The following GREB1L variants were observed in gnomAD, a reference collection of about 807,000 sequenced individuals.
The protein encoded by GREB1L is GREB1-like protein.
Under a neutral mutation model 200.8 loss-of-function variants are expected in GREB1L, and 17 were observed. That is an observed-to-expected ratio of 0.08 (90% confidence interval 0.06 to 0.13). The LOEUF is 0.13. Ranked by LOEUF, GREB1L falls within the 10% of genes least tolerant of loss-of-function variation. The pLI is 1.00. For missense variants in GREB1L, 1,657 were observed against 2,367.7 expected, an observed-to-expected ratio of 0.70 and a Z score of 6.23; for synonymous variants, 789 against 893.0, an observed-to-expected ratio of 0.88 and a Z score of 2.08.
intron 7 of GREB1L, among the ~76,000 whole-genome samples, chr18:21,426,958 C>CAAAAAAAAAAA (rs568993346): frequency 2.9e-5 from 2 of 68,432 alleles, no homozygotes; most frequent in African/African-American, 7.5e-5. Context: ...GACTACGTCT[C>CAAAAAAAAAAA]AAAAAAAAAA....
chr18:21,357,402 T>C (rs2039520953), intron 1 of GREB1L, among the ~76,000 whole-genome samples: 1 of 152,236 alleles, frequency 6.6e-6, no homozygotes, highest in Non-Finnish European at 1.5e-5. Flanking sequence ...GATGTATGGT[T>C]TGCAAGCATT....
At chr18:21,367,779 G>A (rs1362484069) in intron 2 of GREB1L, among the ~76,000 whole-genome samples, 1 of 152,150 alleles carries the variant, frequency 6.6e-6, no homozygotes, top group Non-Finnish European at 1.5e-5. Flanking sequence ...ATCAGTGTCA[G>A]AGTCAAGAAT....
chr18:21,305,338 G>T (rs1172844202), intron 1 of GREB1L, among the ~76,000 whole-genome samples: 1 of 152,052 alleles, frequency 6.6e-6, no homozygotes, highest in Non-Finnish European at 1.5e-5. Flanking sequence ...ACTATGTAAA[G>T]TTCTTATTGA....
chr18:21,464,135 T>G (rs905731284), intron 15 of GREB1L, among the ~76,000 whole-genome samples: 3 of 152,122 alleles, frequency 2.0e-5, no homozygotes, highest in African/African-American at 7.2e-5. Flanking sequence ...TACCAGTTAA[T>G]AAATGCAGGA....
chr18:21,403,884 G>T lies in GREB1L; in HGVS notation c.722G>T (p.Arg241Leu). 1 of 1,551,172 alleles carries T rather than the reference G, an allele frequency of 6.4e-7. No homozygotes were observed. The highest frequency in any genetic ancestry group is 1.2e-5 in the South Asian group (1 of 84,008). Residue 241 changes from arginine (R) to leucine (L), a missense_variant, in exon 7 of 33, where the codon CGA becomes CTA. Physicochemically the swap from Arg to Leu is moderately radical, Grantham distance 102. This residue lies in a region of GREB1L where 289 missense variants were observed against 345.1 expected (regional missense o/e 0.84). Coordinates refer to ENST00000424526, the MANE Select transcript of GREB1L (RefSeq NM_001142966.3). ...TACTCTTTTCCAGAATGTAGAAGCC[G>T]ACAATCCTCTGCTTCTTGCCACTCT... ...PLICWKECRS[R>L]QSSASCHSIK...
intron 1 of GREB1L, among the ~76,000 whole-genome samples, chr18:21,332,529 C>T (rs983748980): frequency 2.0e-5 from 3 of 151,990 alleles, no homozygotes; most frequent in Non-Finnish European, 2.9e-5. Flanking sequence ...GGCTATAGTG[C>T]AGTAGCACAA....
intron 17 of GREB1L, among the ~76,000 whole-genome samples, chr18:21,477,801 A>T (rs2035764818): frequency 6.6e-6 from 1 of 150,716 alleles, no homozygotes; most frequent in Admixed American, 6.7e-5. Flanking sequence ...AAAAAAAAAC[A>T]AAAAACTAAC....
At position 21,417,456 on chromosome 18, in the gene GREB1L, G is replaced by A. The variant is rs533215688; in HGVS notation, c.832+13462G>A. Among the ~76,000 whole-genome samples the A allele has an allele frequency of 4.6e-5, 7 of 152,276 alleles. No individual in the cohort carries two copies. The East Asian group carries it at 1.4e-3, about 29-fold the overall frequency. ...TTTAACCCGGGAGACAGAGGTTGCA[G>A]TTAGCCAAGATCGCGCCACTGCACT... On this transcript the variant is annotated intron_variant, in intron 7 of 32. Transcript: ENST00000424526.
intron 1 of GREB1L, among the ~76,000 whole-genome samples, chr18:21,338,708 A>G (rs1375083135): frequency 1.3e-5 from 2 of 152,206 alleles, no homozygotes; most frequent in Non-Finnish European, 2.9e-5. Context: ...TTTTTACCCC[A>G]AAATAAAAAT....
intron 1 of GREB1L, chr18:21,317,683 T>G (rs1243196978): frequency 6.6e-6 from 1 of 152,248 alleles, no homozygotes; most frequent in East Asian, 1.9e-4. Flanking sequence ...AAGTATGATC[T>G]GCTGCTCATT....
chr18:21,439,705 T>G, intron 8 of GREB1L, 68 bp downstream of exon 8: 1 of 989,254 alleles, frequency 1.0e-6, no homozygotes, highest in Non-Finnish European at 1.6e-6. Context: ...CCAGATTTTG[T>G]AATGAATTAT....
intron 4 of GREB1L, among the ~76,000 whole-genome samples, chr18:21,388,372 A>G (rs1431136459): frequency 6.6e-6 from 1 of 152,106 alleles, no homozygotes; most frequent in African/African-American, 2.4e-5. Flanking sequence ...GACATTTGCT[A>G]CAAGTAATGA....
chr18:21,455,564 T>C (rs2034719228), intron 15 of GREB1L, among the ~76,000 whole-genome samples: 1 of 151,862 alleles, frequency 6.6e-6, no homozygotes, highest in African/African-American at 2.4e-5. Flanking sequence ...ATGCCTGTTA[T>C]CCCAGCTACT....
intron 4 of GREB1L, among the ~76,000 whole-genome samples, chr18:21,393,777 G>A (rs2040929512): frequency 6.6e-6 from 1 of 152,054 alleles, no homozygotes; most frequent in Non-Finnish European, 1.5e-5. Flanking sequence ...TGGCAAGGCT[G>A]GACTTGAACC....
At chr18:21,480,881 G>A (rs1297378539) in intron 17 of GREB1L, among the ~76,000 whole-genome samples, 1 of 152,000 alleles carries the variant, frequency 6.6e-6, no homozygotes, top group African/African-American at 2.4e-5. Context: ...TTAGCCAGGC[G>A]TGGTGGCGGG....
chr18:21,405,996 GT>G (rs2030169953), intron 7 of GREB1L, among the ~76,000 whole-genome samples: 1 of 148,416 alleles, frequency 6.7e-6, no homozygotes, highest in Non-Finnish European at 1.5e-5. Flanking sequence ...GCTGGGTGCT[GT>G]TGCAGTGAGC....
intron 1 of GREB1L, among the ~76,000 whole-genome samples, chr18:21,335,054 C>T (rs1158303713): frequency 6.6e-6 from 1 of 152,184 alleles, no homozygotes; most frequent in Non-Finnish European, 1.5e-5. Flanking sequence ...CCTTCCTAAA[C>T]CCTTGCTAAA....
At chr18:21,394,322 C>T (rs1177495646) in intron 4 of GREB1L, among the ~76,000 whole-genome samples, 3 of 152,192 alleles carry the variant, frequency 2.0e-5, no homozygotes, top group Non-Finnish European at 4.4e-5. Context: ...ACAGTGAGTA[C>T]AGACGGAATC....
At chr18:21,418,865 T>C (rs552735403) in intron 7 of GREB1L, among the ~76,000 whole-genome samples, 22 of 152,304 alleles carry the variant, frequency 1.4e-4, no homozygotes, top group African/African-American at 5.3e-4. Flanking sequence ...AATAAGCATG[T>C]ATTTATTGAC....
Sources: gnomAD v4.1 joint callset for allele counts (sites outside exome capture counted in the v4.1 genomes callset) on GRCh38, gnomAD v4.1.1 for gene constraint, gnomAD v4.1.1 regional missense constraint, MANE v1.5 for transcripts, NCBI Gene and HGNC (gene_info 2026-07-23, HGNC 2026-07-21) for gene names.